Variants in MC2R observed in about 807,000 individuals in gnomAD.
MC2R encodes the protein melanocortin 2 receptor, also known as adrenocorticotropic hormone receptor.
In MC2R, 9 loss-of-function variants were observed where a neutral mutation model predicts 9.8. The observed-to-expected ratio is 0.92, with a 90% CI of 0.55 to 1.60. MC2R has a LOEUF of 1.60. Ranked by LOEUF, MC2R falls within the 40% of genes most tolerant of loss-of-function variation. MC2R has a pLI of 0.00. For missense variants in MC2R, 370 were observed against 389.0 expected (o/e 0.95, Z 0.41); for synonymous variants, 185 against 154.7 (o/e 1.20, Z -1.45).
At chr18:13,913,040 A>G (rs1323453960) in intron 1 of MC2R, among the ~76,000 whole-genome samples, 3 of 152,116 alleles carry the variant, frequency 2.0e-5, no homozygotes, top group Admixed American at 2.0e-4. Context: ...TGCTGCTTAC[A>G]GTATAATTTC....
chr18:13,885,527 C>T lies in MC2R; in HGVS notation c.-9G>A, dbSNP rs779998190. 1 of 1,614,098 alleles carries T rather than the reference C, an allele frequency of 6.2e-7. No individual in the cohort carries two copies. Among genetic ancestry groups the T allele is most frequent in the South Asian group, 1.1e-5 (1 of 91,058 alleles). On this transcript the variant is annotated 5_prime_UTR_variant, in exon 2 of 2. Coordinates refer to ENST00000327606, the MANE Select transcript of MC2R (RefSeq NM_000529.2). ...TTGATAATGTGCTTCATTTCTCCTG[C>T]TTGTGGTTAAGGCGGGGATGTTACT... is the stretch of plus-strand genomic sequence containing the variant.
chr18:13,884,328 G>A lies in MC2R; in HGVS notation c.*297C>T, dbSNP rs1598458893. The A allele has an allele frequency of 2.3e-6, 1 of 436,858 alleles. No homozygotes were observed. The highest frequency in any genetic ancestry group is 2.3e-5 in the South Asian group (1 of 42,654). 27.1% of individuals were successfully genotyped at this position (436,858 alleles called of 1,614,324 possible). Reference sequence around the variant, plus strand: ...TGGTGCAAAAGTAATTGCAATTTTTGGTCATTGAAAGTAATGGCAAAAACC... The same window carrying A: ...TGGTGCAAAAGTAATTGCAATTTTTAGTCATTGAAAGTAATGGCAAAAACC... On this transcript the variant is annotated 3_prime_UTR_variant, in exon 2 of 2. Transcript: ENST00000327606.
At chr18:13,887,855 G>A (rs1237203233) in intron 1 of MC2R, among the ~76,000 whole-genome samples, 3 of 152,118 alleles carry the variant, frequency 2.0e-5, no homozygotes, top group Non-Finnish European at 4.4e-5. Flanking sequence ...AGCTTGCTGA[G>A]TGTAGAGCTT....
At chr18:13,905,048 A>G (rs556930509) in intron 1 of MC2R, among the ~76,000 whole-genome samples, 1 of 152,342 alleles carries the variant, frequency 6.6e-6, no homozygotes, top group Non-Finnish European at 1.5e-5. Context: ...GGATCTAATT[A>G]CACTAAAGAG....
chr18:13,890,053 T>C (rs1289945712), intron 1 of MC2R, among the ~76,000 whole-genome samples: 1 of 152,188 alleles, frequency 6.6e-6, no homozygotes, highest in African/African-American at 2.4e-5. Context: ...AGTAAAAAAA[T>C]GAACACAAAA....
At chr18:13,906,877 A>G (rs1395190851) in intron 1 of MC2R, among the ~76,000 whole-genome samples, 2 of 152,240 alleles carry the variant, frequency 1.3e-5, no homozygotes, top group Non-Finnish European at 2.9e-5. Context: ...GTTGAAGAGG[A>G]CACCATAAAA....
intron 1 of MC2R, among the ~76,000 whole-genome samples, chr18:13,890,268 C>T (rs2045308182): frequency 6.6e-6 from 1 of 152,164 alleles, no homozygotes; most frequent in African/African-American, 2.4e-5. Context: ...GGCCCATGGG[C>T]TGTGTTTTTG....
intron 1 of MC2R, among the ~76,000 whole-genome samples, chr18:13,911,119 C>G (rs754515): frequency 0.027 from 4,062 of 152,228 alleles, 129 homozygotes; most frequent in African/African-American, 0.09. Flanking sequence ...CCCAGAGCTG[C>G]GGTGATTGCT....
chr18:13,893,627 G>A (rs1435450403), intron 1 of MC2R, among the ~76,000 whole-genome samples: 6 of 152,058 alleles, frequency 3.9e-5, no homozygotes, highest in African/African-American at 9.7e-5. Context: ...CCCAGCTGTC[G>A]CCTGTGCCTG....
chr18:13,899,398 GT>G (rs989151433), intron 1 of MC2R, among the ~76,000 whole-genome samples: 1 of 152,148 alleles, frequency 6.6e-6, no homozygotes, highest in Non-Finnish European at 1.5e-5. Context: ...AAATCTAAGA[GT>G]TATTGGTCTT....
At chr18:13,905,538 AC>A (rs1275406405) in intron 1 of MC2R, among the ~76,000 whole-genome samples, 1 of 152,094 alleles carries the variant, frequency 6.6e-6, no homozygotes, top group East Asian at 1.9e-4. Context: ...AATCAAAACC[AC>A]AACGAGATAC....
At chr18:13,906,498 G>A (rs796840622) in intron 1 of MC2R, among the ~76,000 whole-genome samples, 7 of 152,162 alleles carry the variant, frequency 4.6e-5, no homozygotes, top group African/African-American at 1.4e-4. Context: ...CATGGTACAT[G>A]TATACCTATG....
chr18:13,893,839 C>G (rs144960145), intron 1 of MC2R, among the ~76,000 whole-genome samples: 6 of 152,314 alleles, frequency 3.9e-5, no homozygotes, highest in Admixed American at 3.9e-4. Flanking sequence ...ATATTCAGCT[C>G]TGTGATTGCA....
chr18:13,911,388 T>A (rs2045443551), intron 1 of MC2R, among the ~76,000 whole-genome samples: 1 of 152,218 alleles, frequency 6.6e-6, no homozygotes, highest in Non-Finnish European at 1.5e-5. Context: ...GCTCAAAATT[T>A]CCTCTTTTGA....
rs558015940 is a variant in MC2R at position 13,898,516 on chromosome 18, C to T, written c.-128-12870G>A. Among the ~76,000 whole-genome samples, 10 of 152,312 alleles carry T rather than the reference C, an allele frequency of 6.6e-5. No individual in the cohort carries two copies. The East Asian group carries it at 1.9e-3, about 29-fold the overall frequency. On this transcript the variant is annotated intron_variant, in intron 1 of 1. Coordinates refer to ENST00000327606, the MANE Select transcript of MC2R (RefSeq NM_000529.2). The stretch of plus-strand genomic sequence containing the variant: ...ACCTGCGGATTGTAGAGCCCCAGGG[C>T]CTTGAGTGAACACAGGCGGTAGCCA...
At chr18:13,902,530 C>G (rs780946311) in intron 1 of MC2R, among the ~76,000 whole-genome samples, 3 of 151,934 alleles carry the variant, frequency 2.0e-5, no homozygotes, top group Non-Finnish European at 4.4e-5. Flanking sequence ...AACCCAGAAA[C>G]AGATCCGGAC....
chr18:13,904,380 CAA>C (rs56308792), intron 1 of MC2R, among the ~76,000 whole-genome samples: 6,087 of 94,908 alleles, frequency 0.064, 393 homozygotes, highest in African/African-American at 0.19. Context: ...GACCCCGTCT[CAA>C]AAAAAAAAAA....
intron 1 of MC2R, among the ~76,000 whole-genome samples, chr18:13,908,152 G>C (rs2045424092): frequency 6.6e-6 from 1 of 152,180 alleles, no homozygotes; most frequent in African/African-American, 2.4e-5. Context: ...GTGAATGAAT[G>C]AATAAAATGT....
intron 1 of MC2R, among the ~76,000 whole-genome samples, chr18:13,898,195 G>A (rs1464536604): frequency 6.6e-6 from 1 of 152,190 alleles, no homozygotes. Flanking sequence ...CAACCTGACT[G>A]AAGAGCGCTT....
Sources: gnomAD v4.1 joint callset for allele counts (sites outside exome capture counted in the v4.1 genomes callset) on GRCh38, gnomAD v4.1.1 for gene constraint, MANE v1.5 for transcripts, NCBI Gene and HGNC (gene_info 2026-07-23, HGNC 2026-07-21) for gene names.